The following EPHA7 variants were observed in gnomAD, a reference collection of about 807,000 sequenced individuals.
EPHA7 encodes ephrin type-A receptor 7.
EPHA7 carries 25 observed loss-of-function variants against 112.6 expected under a neutral mutation model. The observed-to-expected ratio is 0.22, with a 90% CI of 0.16 to 0.31. The LOEUF (loss-of-function observed/expected upper bound fraction) is 0.31. Among genes scored for constraint, EPHA7 ranks in the 10% least tolerant of loss-of-function variants. The pLI is 1.00. For synonymous variants in EPHA7, 437 were observed against 406.5 expected (o/e 1.07, Z -0.90); for missense variants, 962 against 1,212.6 (o/e 0.79, Z 3.07).
At chr6:93,414,155 A>T (rs1230534302) in intron 2 of EPHA7, among the ~76,000 whole-genome samples, 2 of 151,920 alleles carry the variant, frequency 1.3e-5, no homozygotes, top group African/African-American at 2.4e-5. Context: ...ATCATTTCTG[A>T]TTAATAACAG....
intron 5 of EPHA7, among the ~76,000 whole-genome samples, chr6:93,334,515 A>G (rs1472207077): frequency 6.6e-6 from 1 of 152,130 alleles, no homozygotes; most frequent in Non-Finnish European, 1.5e-5. Context: ...AATAGCCAGA[A>G]TCTATTAGGA....
intron 5 of EPHA7, among the ~76,000 whole-genome samples, chr6:93,276,074 C>A (rs769898969): frequency 6.6e-6 from 1 of 151,938 alleles, no homozygotes; most frequent in Non-Finnish European, 1.5e-5. Context: ...AGTGACCCCA[C>A]GAAGATGTCT....
intron 12 of EPHA7, among the ~76,000 whole-genome samples, chr6:93,256,885 C>G (rs934417403): frequency 1.3e-5 from 2 of 151,770 alleles, no homozygotes; most frequent in Admixed American, 1.3e-4. Flanking sequence ...TTTTTCTTTG[C>G]CATTTGGAAA....
chr6:93,258,640 G>A (rs1297510324), intron 10 of EPHA7, among the ~76,000 whole-genome samples: 1 of 148,636 alleles, frequency 6.7e-6, no homozygotes, highest in Non-Finnish European at 1.5e-5. Flanking sequence ...ATTTAGATTT[G>A]AATTATGCTA....
chr6:93,388,628 C>T (rs770346036), intron 3 of EPHA7, among the ~76,000 whole-genome samples: 13 of 152,084 alleles, frequency 8.5e-5, no homozygotes, highest in Middle Eastern at 3.4e-3. Flanking sequence ...CTGACCAGCA[C>T]GACTGTGGGC....
chr6:93,297,841 C>T, intron 5 of EPHA7, among the ~76,000 whole-genome samples: 1 of 152,130 alleles, frequency 6.6e-6, no homozygotes, highest in Non-Finnish European at 1.5e-5. Flanking sequence ...GAAGTTTCTA[C>T]TTCAGCATAT....
chr6:93,255,534 T>C (rs568066396), intron 13 of EPHA7, among the ~76,000 whole-genome samples: 1 of 152,304 alleles, frequency 6.6e-6, no homozygotes, highest in Admixed American at 6.5e-5. Context: ...GTGATTACAG[T>C]TTTCTACAAA....
intron 5 of EPHA7, among the ~76,000 whole-genome samples, chr6:93,336,602 T>C (rs188105176): frequency 1.2e-3 from 180 of 152,072 alleles, no homozygotes; most frequent in Middle Eastern, 3.4e-3. Flanking sequence ...GGGGTTTCAC[T>C]GTGTTAGCCA....
intron 5 of EPHA7, among the ~76,000 whole-genome samples, chr6:93,311,112 C>CTTTTTTTTTTTTTTT (rs1434719790): frequency 2.8e-5 from 2 of 71,024 alleles, no homozygotes; most frequent in African/African-American, 6.7e-5. Flanking sequence ...TCATGCCCAG[C>CTTTTTTTTTTTTTTT]TATTTTTTTT....
intron 7 of EPHA7, among the ~76,000 whole-genome samples, chr6:93,267,104 C>A (rs1424226106): frequency 6.6e-6 from 1 of 151,568 alleles, no homozygotes; most frequent in Non-Finnish European, 1.5e-5. Flanking sequence ...TTTGTGTGTT[C>A]TTGTGTTTTT....
intron 5 of EPHA7, among the ~76,000 whole-genome samples, chr6:93,345,585 A>C (rs916455705): frequency 6.6e-6 from 1 of 151,616 alleles, no homozygotes; most frequent in African/African-American, 2.4e-5. Flanking sequence ...AATTTGGGTA[A>C]TTTTTTCCCA....
intron 5 of EPHA7, among the ~76,000 whole-genome samples, chr6:93,292,068 CAT>C (rs1276308292): frequency 6.6e-6 from 1 of 151,942 alleles, no homozygotes; most frequent in African/African-American, 2.4e-5. Flanking sequence ...GTCTCATAAG[CAT>C]ATATAGTTAA....
chr6:93,345,697 G>C (rs1264928125), intron 5 of EPHA7, among the ~76,000 whole-genome samples: 1 of 151,722 alleles, frequency 6.6e-6, no homozygotes, highest in African/African-American at 2.4e-5. Context: ...TGCTTTAGCA[G>C]TTGTAACTGA....
Position 93,356,950 on chromosome 6 carries a change from G to C in EPHA7, c.1091C>G (p.Thr364Ser), listed in dbSNP as rs201390062. ...PADNGGRNDV[T>S]YRILCKRCSW... ...GCACCGCTTACACAATATTCTGTAG[G>C]TCACATCGTTTCTTCCCCCATTGTC... The change falls in exon 5 of 17, where the codon ACC becomes AGC. Residue 364 changes from threonine (T) to serine (S), a missense_variant. Physicochemically the swap from Thr to Ser is moderately conservative, Grantham distance 58. Around this residue, in one of 3 missense-constraint regions of EPHA7, gnomAD observed 746 missense variants for 889.2 expected, o/e 0.84. Transcript: ENST00000369303. 71 of 1,614,002 alleles carry C rather than the reference G, an allele frequency of 4.4e-5. No individual in the cohort carries two copies. The highest frequency in any genetic ancestry group is 5.4e-5 in the Non-Finnish European group (64 of 1,180,022).
chr6:93,272,030 AAT>A (rs1046886024), intron 6 of EPHA7, among the ~76,000 whole-genome samples: 3 of 151,854 alleles, frequency 2.0e-5, no homozygotes, highest in African/African-American at 7.2e-5. Context: ...TAATTACTAC[AAT>A]ATCAGAAATT....
intron 9 of EPHA7, among the ~76,000 whole-genome samples, chr6:93,262,075 C>T (rs1770710827): frequency 6.6e-6 from 1 of 151,472 alleles, no homozygotes; most frequent in African/African-American, 2.4e-5. Flanking sequence ...AAATTGTTCA[C>T]ATATGGGCAG....
rs1035177735 is a variant in EPHA7 at position 93,246,835 on chromosome 6, G to T, written c.2683C>A (p.Arg895=). 6.2e-7 allele frequency: 1 copy of T among 1,612,300 alleles called. No homozygotes were observed. Among genetic ancestry groups the T allele is most frequent in the South Asian group, 1.1e-5 (1 of 90,998 alleles). Residue 895 remains arginine (R), a synonymous_variant, in exon 15 of 17, where the codon CGA becomes AGA. Transcript: ENST00000369303. ...GGAGTTTTCAGACTATTTGGGTTTC[G>T]AATCATTTTGTCTAGAATTCCAACT... ...QIVGILDKMI[R]NPNSLKTPLG...
intron 5 of EPHA7, among the ~76,000 whole-genome samples, chr6:93,333,155 A>C (rs1774686146): frequency 6.6e-6 from 1 of 151,488 alleles, no homozygotes; most frequent in Admixed American, 6.6e-5. Flanking sequence ...CTTTTCCTGC[A>C]TTAATTTGTT....
chr6:93,255,109 C>T (rs9294566), intron 13 of EPHA7, among the ~76,000 whole-genome samples: 21,654 of 151,768 alleles, frequency 0.14, 1,695 homozygotes, highest in South Asian at 0.31. Flanking sequence ...TTTGGGAGGC[C>T]GAAGTGGGTG....
Sources: gnomAD v4.1 joint callset for allele counts (sites outside exome capture counted in the v4.1 genomes callset) on GRCh38, gnomAD v4.1.1 for gene constraint, gnomAD v4.1.1 regional missense constraint, MANE v1.5 for transcripts, NCBI Gene and HGNC (gene_info 2026-07-23, HGNC 2026-07-21) for gene names.